SLC16A10: variants seen among roughly 807,000 people sequenced by gnomAD.
SLC16A10 encodes the protein solute carrier family 16 member 10.
A neutral mutation model predicts 40.0 loss-of-function variants in SLC16A10; 27 were observed. The observed-to-expected ratio is 0.67, with a 90% CI of 0.50 to 0.93. The LOEUF is 0.93. Among genes scored for constraint, SLC16A10 ranks in the 40% least tolerant of loss-of-function variants. The probability of loss-of-function intolerance (pLI) is 0.00; values close to 1 mark genes in which losing one functional copy is unlikely to be tolerated. For missense variants in SLC16A10, 529 were observed against 658.2 expected (o/e 0.80, Z 2.15); for synonymous variants, 213 against 249.8 (o/e 0.85, Z 1.39).
chr6:111,190,261 A>G (rs373526), intron 3 of SLC16A10, among the ~76,000 whole-genome samples: 117,073 of 152,178 alleles, frequency 0.77, 45,823 homozygotes, highest in Non-Finnish European at 0.85. Context: ...GCACATTGAT[A>G]TAAGAGGTGT....
At chr6:111,206,445 CA>C in intron 3 of SLC16A10, 146 bp from the exon 4 acceptor site, 1 of 786,318 alleles carries the variant, frequency 1.3e-6, no homozygotes, top group South Asian at 1.8e-5. Context: ...TGAAAATTAT[CA>C]CAGGACAAGT....
intron 3 of SLC16A10, among the ~76,000 whole-genome samples, chr6:111,200,259 G>A (rs1353414511): frequency 6.6e-6 from 1 of 152,152 alleles, no homozygotes; most frequent in Non-Finnish European, 1.5e-5. Flanking sequence ...GGCAAGCAAA[G>A]AAATTTTTCT....
At chr6:111,097,910 G>A (rs181214798) in intron 1 of SLC16A10, among the ~76,000 whole-genome samples, 2 of 152,260 alleles carry the variant, frequency 1.3e-5, no homozygotes, top group African/African-American at 2.4e-5. Flanking sequence ...TTGCACCTAC[G>A]GAAAGGTGCA....
rs772346861 is a variant in SLC16A10, at chr6:111,087,985, T to C, written c.233T>C (p.Met78Thr). 6.2e-7 allele frequency: 1 copy of C among 1,611,282 alleles called. No individual in the cohort carries two copies. The highest frequency in any genetic ancestry group is 8.5e-7 in the Non-Finnish European group (1 of 1,179,026). ...GGCTGGCTGGTGATGCTGGCGGCCA[T>C]GTGGTGCAACGGGTCGGTGTTCGGC... is the stretch of plus-strand genomic sequence containing the variant. ...GWGWLVMLAA[M>T]WCNGSVFGIQ... The change falls in exon 1 of 6, where the codon ATG becomes ACG. Residue 78 changes from methionine (M) to threonine (T), a missense_variant. Transcript: ENST00000368851.
intron 3 of SLC16A10, among the ~76,000 whole-genome samples, chr6:111,200,612 T>A (rs1233908046): frequency 6.6e-6 from 1 of 152,200 alleles, no homozygotes; most frequent in East Asian, 1.9e-4. Context: ...AAATAAACTG[T>A]CTCATTTCAT....
At chr6:111,179,365 G>C (rs1562423911) in intron 3 of SLC16A10, among the ~76,000 whole-genome samples, 1 of 152,162 alleles carries the variant, frequency 6.6e-6, no homozygotes, top group Non-Finnish European at 1.5e-5. Context: ...CTGAAAAACA[G>C]ATCTATTGTT....
At chr6:111,117,981 G>A (rs1160490451) in intron 1 of SLC16A10, among the ~76,000 whole-genome samples, 2 of 152,180 alleles carry the variant, frequency 1.3e-5, no homozygotes, top group Non-Finnish European at 2.9e-5. Flanking sequence ...TTTAAGAAAG[G>A]ATAGGACATT....
chr6:111,163,398 C>T (rs534431573), intron 1 of SLC16A10, among the ~76,000 whole-genome samples: 237 of 151,836 alleles, frequency 1.6e-3, no homozygotes, highest in Middle Eastern at 3.4e-3. Flanking sequence ...GTGATCCGCC[C>T]GCCTCGGCCT....
At chr6:111,113,302 C>G (rs1399309451) in intron 1 of SLC16A10, among the ~76,000 whole-genome samples, 2 of 152,022 alleles carry the variant, frequency 1.3e-5, no homozygotes, top group African/African-American at 4.8e-5. Context: ...TTAATACACC[C>G]CTGTAAGAGT....
intron 4 of SLC16A10, among the ~76,000 whole-genome samples, chr6:111,209,238 A>G (rs1562434224): frequency 6.6e-6 from 1 of 152,130 alleles, no homozygotes; most frequent in Non-Finnish European, 1.5e-5. Context: ...AGGTCCAGGG[A>G]CTAGTTGGAA....
intron 1 of SLC16A10, among the ~76,000 whole-genome samples, chr6:111,169,635 T>C (rs1364549908): frequency 2.0e-5 from 3 of 152,246 alleles, no homozygotes; most frequent in Non-Finnish European, 2.9e-5. Flanking sequence ...CTAGTGAATA[T>C]TGGTTTGTTA....
At chr6:111,117,116 C>T (rs564096648) in intron 1 of SLC16A10, among the ~76,000 whole-genome samples, 11 of 151,698 alleles carry the variant, frequency 7.3e-5, no homozygotes, top group African/African-American at 1.7e-4. Flanking sequence ...TTTGGGAGGC[C>T]GAGGTGGGTG....
At chr6:111,107,053 C>T (rs1214136498) in intron 1 of SLC16A10, among the ~76,000 whole-genome samples, 2 of 152,032 alleles carry the variant, frequency 1.3e-5, no homozygotes, top group Non-Finnish European at 2.9e-5. Flanking sequence ...TAAATAGATA[C>T]ATATTTTGAA....
intron 1 of SLC16A10, among the ~76,000 whole-genome samples, chr6:111,114,654 C>T (rs1175521257): frequency 6.6e-6 from 1 of 151,806 alleles, no homozygotes; most frequent in African/African-American, 2.4e-5. Context: ...TGCTATTTAG[C>T]CAATACAGGA....
intron 1 of SLC16A10, among the ~76,000 whole-genome samples, chr6:111,138,261 G>A (rs1308869944): frequency 6.6e-6 from 1 of 152,176 alleles, no homozygotes; most frequent in Admixed American, 6.5e-5. Context: ...TAAATAAGTG[G>A]GTAGTTAGGA....
At chr6:111,199,323 G>A (rs1410337951) in intron 3 of SLC16A10, among the ~76,000 whole-genome samples, 2 of 151,998 alleles carry the variant, frequency 1.3e-5, no homozygotes, top group African/African-American at 4.8e-5. Flanking sequence ...GCTGGGCATG[G>A]TGGTGGACAC....
At position 111,230,581 on chromosome 6, in the gene SLC16A10, G is replaced by T. The variant is rs1428192410; in HGVS notation, c.*8346G>T. 5 of 152,186 alleles carry T rather than the reference G, an allele frequency of 3.3e-5. No homozygotes were observed. Among genetic ancestry groups the T allele is most frequent in the Admixed American group, 6.5e-5 (1 of 15,276 alleles). The allele number at this position is 152,186 out of a possible 1,614,324, so 9.4% of individuals were successfully genotyped here. A position where few individuals can be genotyped will look rare whatever the true frequency, so the allele number is the denominator to read the frequency against. On this transcript the variant is annotated 3_prime_UTR_variant, in exon 6 of 6. Coordinates refer to ENST00000368851, the MANE Select transcript of SLC16A10 (RefSeq NM_018593.5). ...GATGTAACTTAATGTGGTTTGAGATGTGTAAGATTGTAGAGGCATTGCACA... is the reference window on the plus strand; with the variant it reads ...GATGTAACTTAATGTGGTTTGAGATTTGTAAGATTGTAGAGGCATTGCACA...
rs1770917190 is a variant in SLC16A10, at chr6:111,222,369, C to T, written c.*134C>T. The T allele has an allele frequency of 1.7e-6, 2 of 1,176,978 alleles. No individual in the cohort carries two copies. Among genetic ancestry groups the T allele is most frequent in the African/African-American group, 1.6e-5 (1 of 61,784 alleles). 72.9% of individuals were successfully genotyped at this position (1,176,978 alleles called of 1,614,324 possible). On this transcript the variant is annotated 3_prime_UTR_variant, in exon 6 of 6. Transcript: ENST00000368851. ...ATAGCACAATAATTGGGAAATAGAA[C>T]CCTTATCACTAGAAGAACCATTTTC...
intron 1 of SLC16A10, among the ~76,000 whole-genome samples, chr6:111,146,533 G>A (rs1225563411): frequency 6.6e-6 from 1 of 152,122 alleles, no homozygotes; most frequent in Non-Finnish European, 1.5e-5. Flanking sequence ...TCAGGAGATC[G>A]AGACCATCCT....
Sources: gnomAD v4.1 joint callset for allele counts (sites outside exome capture counted in the v4.1 genomes callset) on GRCh38, gnomAD v4.1.1 for gene constraint, MANE v1.5 for transcripts, NCBI Gene and HGNC (gene_info 2026-07-23, HGNC 2026-07-21) for gene names.